FCN3: variants seen among roughly 807,000 people sequenced by gnomAD.
FCN3 encodes the protein ficolin-3.
In FCN3, 28 loss-of-function variants were observed where a neutral mutation model predicts 31.5. The observed-to-expected ratio is 0.89, with a 90% CI of 0.66 to 1.22. The LOEUF is 1.22. Ranked by LOEUF, FCN3 falls within the 50% of genes most tolerant of loss-of-function variation. FCN3 has a pLI of 0.00. For synonymous variants in FCN3, 124 were observed against 147.4 expected (o/e 0.84, Z 1.15); for missense variants, 351 against 386.8 (o/e 0.91, Z 0.78).
Position 27,374,005 on chromosome 1 carries a change from T to G in FCN3, c.192A>C (p.Pro64=), listed in dbSNP as rs1384988228. ...GGCCCATCTTGCCTGGTGGTCCAGG[T>G]GGCCCTGAAATCACAAAGGCAGAGA... ...GEKGAPGPQG[P]PGPPGKMGPK... The change falls in exon 3 of 8, where the codon CCA becomes CCC. Residue 64 remains proline (P), a synonymous_variant. Transcript: ENST00000270879. The G allele has an allele frequency of 6.2e-7, 1 of 1,613,616 alleles. No homozygotes were observed. Among genetic ancestry groups the G allele is most frequent in the Admixed American group, 1.7e-5 (1 of 60,008 alleles).
chr1:27,374,449 G>A lies in FCN3; in HGVS notation c.94C>T (p.Pro32Ser), dbSNP rs1196817722. ...ACTTTGCTGGCTTCCAGTTCCCTGGGTCCTACAGGGAGACACAGGCAGGGT... is the reference window on the plus strand; with the variant it reads ...ACTTTGCTGGCTTCCAGTTCCCTGGATCCTACAGGGAGACACAGGCAGGGT... ...KTQEHPSCPGPRELEASKVVL... is the reference protein window; with the variant it reads ...KTQEHPSCPGSRELEASKVVL... The change falls in exon 2 of 8, where the codon CCC (proline) becomes TCC (serine). Residue 32 changes from proline to serine, a missense_variant and splice_region_variant. Coordinates refer to ENST00000270879, the MANE Select transcript of FCN3 (RefSeq NM_003665.4). The A allele has an allele frequency of 1.6e-5, 26 of 1,608,664 alleles. No individual in the cohort carries two copies. The highest frequency in any genetic ancestry group is 2.2e-5 in the Non-Finnish European group (26 of 1,175,272).
chr1:27,369,622 C>T (rs760557141), intron 7 of FCN3, 145 bp from the exon 8 acceptor site: 32 of 730,080 alleles, frequency 4.4e-5, no homozygotes, highest in South Asian at 4.4e-4. Flanking sequence ...AGGTTGTTTG[C>T]GCAGGGTTAC....
intron 5 of FCN3, 32 bp downstream of exon 5, chr1:27,373,104 C>T: frequency 2.5e-6 from 4 of 1,610,222 alleles, no homozygotes; most frequent in African/African-American, 1.3e-5. Flanking sequence ...ACCAGTGGGC[C>T]TGGCCTGTTA....
intron 5 of FCN3, among the ~76,000 whole-genome samples, chr1:27,371,699 C>G (rs77741467): frequency 0.053 from 8,094 of 152,312 alleles, 320 homozygotes; most frequent in Non-Finnish European, 0.075. Context: ...CAAGTAGGCC[C>G]CAGGTCCTAT....
Position 27,373,520 on chromosome 1 carries a change from C to G in FCN3, c.233G>C (p.Gly78Ala), listed in dbSNP as rs1362558341. Reference protein sequence around the residue: ...PGKMGPKGEPGDPVNLLRCQE... With the variant: ...PGKMGPKGEPADPVNLLRCQE... ...GCACCGGAGCAGGTTCACTGGATCT[C>G]CTGCCCCAGAGAAGGGATGAGTGTT... is the stretch of plus-strand genomic sequence containing the variant. Residue 78 changes from glycine (G) to alanine (A), a missense_variant and splice_region_variant, in exon 4 of 8, where the codon GGA becomes GCA. Transcript: ENST00000270879. The G allele has an allele frequency of 4.3e-6, 7 of 1,614,064 alleles. No homozygotes were observed. Among genetic ancestry groups the G allele is most frequent in the Non-Finnish European group, 5.9e-6 (7 of 1,179,986 alleles).
chr1:27,373,300 T>G, intron 4 of FCN3, 37 bp from the exon 5 acceptor site: 1 of 1,612,666 alleles, frequency 6.2e-7, no homozygotes, highest in Non-Finnish European at 8.5e-7. Context: ...GGTGCCCAGG[T>G]TATTCCCTGA....
chr1:27,371,829 G>A (rs1209967709), intron 5 of FCN3, among the ~76,000 whole-genome samples: 7 of 150,140 alleles, frequency 4.7e-5, no homozygotes, highest in African/African-American at 1.7e-4. Context: ...GTGTGATCTC[G>A]GCTCACTGCA....
At position 27,369,234 on chromosome 1, in the gene FCN3, C is replaced by A; in HGVS notation, c.*2G>T. 6.2e-7 allele frequency: 1 copy of A among 1,614,062 alleles called. No homozygotes were observed. The highest frequency in any genetic ancestry group is 8.5e-7 in the Non-Finnish European group (1 of 1,179,946). On this transcript the variant is annotated 3_prime_UTR_variant, in exon 8 of 8. Coordinates refer to ENST00000270879, the MANE Select transcript of FCN3 (RefSeq NM_003665.4). The stretch of plus-strand genomic sequence containing the variant: ...GATAAGGGCACTGGCTGCCAGAGTG[C>A]CCTATCGAAGCATCATCCGAACCCT...
chr1:27,371,299 C>T (rs897722482), intron 5 of FCN3, among the ~76,000 whole-genome samples: 9 of 112,946 alleles, frequency 8.0e-5, no homozygotes, highest in African/African-American at 2.7e-4. Flanking sequence ...GAACCAAGAA[C>T]GCTTGGTGGC....
In FCN3 at chr1:27,369,182, C is replaced by T. The variant is rs1571085363; in HGVS notation, c.*54G>A. 1 of 1,595,164 alleles carries T rather than the reference C, an allele frequency of 6.3e-7. No individual in the cohort carries two copies. The highest frequency in any genetic ancestry group is 8.6e-7 in the Non-Finnish European group (1 of 1,165,182). On this transcript the variant is annotated 3_prime_UTR_variant, in exon 8 of 8. Coordinates refer to ENST00000270879, the MANE Select transcript of FCN3 (RefSeq NM_003665.4). ...GAGGTGGTTGGCAAAGGCAAGGTGGCTGACGATCCGGAAGCTGTACAGGAG... is the reference window on the plus strand; with the variant it reads ...GAGGTGGTTGGCAAAGGCAAGGTGGTTGACGATCCGGAAGCTGTACAGGAG...
chr1:27,373,030 T>C (rs2016178633), intron 5 of FCN3, 106 bp downstream of exon 5: 1 of 1,360,290 alleles, frequency 7.4e-7, no homozygotes, highest in South Asian at 1.4e-5. Flanking sequence ...TGTCAGTGAA[T>C]TCCTCTAGGA....
intron 2 of FCN3, 71 bp downstream of exon 2, chr1:27,374,285 A>C: frequency 8.6e-7 from 1 of 1,158,668 alleles, no homozygotes; most frequent in South Asian, 1.3e-5. Flanking sequence ...GCCCCTCAGC[A>C]CAGACAAAAA....
chr1:27,370,743 G>A lies in FCN3; in HGVS notation c.524-13C>T. 6.2e-7 allele frequency: 1 copy of A among 1,613,916 alleles called. No homozygotes were observed. The highest frequency in any genetic ancestry group is 1.1e-5 in the South Asian group (1 of 91,054). On this transcript the variant is annotated splice_polypyrimidine_tract_variant and intron_variant, in intron 6 of 7. Coordinates refer to ENST00000270879, the MANE Select transcript of FCN3 (RefSeq NM_003665.4). ...AGCTCCCAGTTACCTGGAAAGAAGG[G>A]GAGGCAGGGATGGAGGAATCCTCAG...
At chr1:27,370,814 C>G (rs763783597) in intron 6 of FCN3, 29 bp downstream of exon 6, 21 of 1,611,884 alleles carry the variant, frequency 1.3e-5, no homozygotes, top group Non-Finnish European at 1.5e-5. Flanking sequence ...CAGTAACCCC[C>G]AGACTCCAGG....
rs2016095818 is a variant in FCN3, at chr1:27,369,327, G to A, written c.809C>T (p.Ser270Phe). 1.2e-6 allele frequency: 2 copies of A among 1,614,144 alleles called. 1 individual carries two copies. The highest frequency in any genetic ancestry group is 2.2e-5 in the South Asian group (2 of 91,088). Residue 270 changes from serine to phenylalanine, a missense_variant, in exon 8 of 8, where the codon TCT becomes TTT. Coordinates refer to ENST00000270879, the MANE Select transcript of FCN3 (RefSeq NM_003665.4). Reference protein sequence around the residue: ...RSNLNGRYAVSEAAAHKYGID... With the variant: ...RSNLNGRYAVFEAAAHKYGID... ...GCCATATTTGTGGGCGGCAGCCTCA[G>A]ACACTGCATAGCGACCATTGAGATT... is the stretch of plus-strand genomic sequence containing the variant.
chr1:27,369,143 T>C lies in FCN3; in HGVS notation c.*93A>G. ...GCTAAAATGATTTTATTTTTAAATG[T>C]GGACAGGCAAGCAGAGGTGGTTGGC... On this transcript the variant is annotated 3_prime_UTR_variant, in exon 8 of 8. Transcript: ENST00000270879. The C allele has an allele frequency of 1.4e-6, 2 of 1,442,922 alleles. No individual in the cohort carries two copies. The highest frequency in any genetic ancestry group is 1.2e-5 in the South Asian group (1 of 82,300). 89.4% of individuals were successfully genotyped at this position (1,442,922 alleles called of 1,614,324 possible). A position where few individuals can be genotyped will look rare whatever the true frequency, so the allele number is the denominator to read the frequency against.
At position 27,373,484 on chromosome 1, in the gene FCN3, T is replaced by C. The variant is rs370867466; in HGVS notation, c.265+4A>G. 35 of 1,613,900 alleles carry C rather than the reference T, an allele frequency of 2.2e-5. No homozygotes were observed. In the South Asian group the frequency reaches 3.2e-4, roughly 15 times the overall value. The stretch of plus-strand genomic sequence containing the variant: ...GTTCCTGGCTCCTGCAAGGGCTGCC[T>C]CACCTTCCTGGCACCGGAGCAGGTT... On this transcript the variant is annotated splice_donor_region_variant and intron_variant, in intron 4 of 7. Transcript: ENST00000270879.
Position 27,373,263 on chromosome 1 carries a change from C to A in FCN3, c.266G>T (p.Gly89Val). 1 of 1,614,030 alleles carries A rather than the reference C, an allele frequency of 6.2e-7. No individual in the cohort carries two copies. Among genetic ancestry groups the A allele is most frequent in the Non-Finnish European group, 8.5e-7 (1 of 1,179,962 alleles). ...DPVNLLRCQE[G>V]PRNCRELLSQ... ...CAACAGCTCCCGGCAGTTTCTGGGG[C>A]CTGGGAAAGGGGAGATGGACTGGGG... The change falls in exon 5 of 8, where the codon GGC becomes GTC. Residue 89 changes from glycine to valine, a missense_variant and splice_region_variant. Physicochemically the swap from Gly to Val is moderately radical, Grantham distance 109 (BLOSUM62 -3). Transcript: ENST00000270879.
In FCN3 at chr1:27,374,792, G is replaced by T. The variant is rs750964366; in HGVS notation, c.27C>A (p.Ser9=). Residue 9 remains serine (S), a synonymous_variant, in exon 1 of 8, where the codon TCC becomes TCA. Coordinates refer to ENST00000270879, the MANE Select transcript of FCN3 (RefSeq NM_003665.4). MDLLWILP[S]LWLLLLGGPA... is the part of the protein sequence containing the mutation. The stretch of plus-strand genomic sequence containing the variant: ...GCCCCCCAAGCAGGAGAAGCCACAG[G>T]GAGGGCAGGATCCACAGTAGATCCA... 7.2e-7 allele frequency: 1 copy of T among 1,387,560 alleles called. No homozygotes were observed. The highest frequency in any genetic ancestry group is 9.4e-7 in the Non-Finnish European group (1 of 1,065,446). 86.0% of individuals were successfully genotyped at this position (1,387,560 alleles called of 1,614,324 possible).
Sources: allele counts gnomAD v4.1 joint callset (sites outside exome capture counted in the v4.1 genomes callset), GRCh38; gene constraint gnomAD v4.1.1; transcripts MANE v1.5; gene names NCBI Gene and HGNC (gene_info 2026-07-23, HGNC 2026-07-21).